CACNA2D3: variants seen among roughly 807,000 people sequenced by gnomAD.
CACNA2D3 encodes voltage-dependent calcium channel subunit alpha-2/delta-3.
A neutral mutation model predicts 160.6 loss-of-function variants in CACNA2D3; 60 were observed. The ratio of observed to expected loss-of-function variants is 0.37; its 90% CI spans 0.30 to 0.46. CACNA2D3 has a LOEUF of 0.46. CACNA2D3 is among the 20% of genes least tolerant of loss of function. The pLI, the probability that CACNA2D3 is intolerant of heterozygous loss-of-function variation, is 1.00. For missense variants in CACNA2D3, 1,205 were observed against 1,365.0 expected, an observed-to-expected ratio of 0.88 and a Z score of 1.85; for synonymous variants, 558 against 492.9, an observed-to-expected ratio of 1.13 and a Z score of -1.75.
At chr3:54,880,964 T>G in intron 21 of CACNA2D3, 101 bp downstream of exon 21, 1 of 944,458 alleles carries the variant, frequency 1.1e-6, no homozygotes, top group Non-Finnish European at 1.8e-6. Flanking sequence ...TCCGCACCTG[T>G]GACCAGTCCC....
intron 4 of CACNA2D3, among the ~76,000 whole-genome samples, chr3:54,434,477 T>C (rs1403899631): frequency 1.3e-5 from 2 of 152,208 alleles, no homozygotes; most frequent in Non-Finnish European, 2.9e-5. Context: ...CTGGCATCAG[T>C]GAGACTCATC....
intron 4 of CACNA2D3, among the ~76,000 whole-genome samples, chr3:54,461,604 T>A (rs1241564225): frequency 6.6e-6 from 1 of 151,902 alleles, no homozygotes; most frequent in Non-Finnish European, 1.5e-5. Flanking sequence ...TTTGTATTTC[T>A]GTGGAATCGG....
intron 17 of CACNA2D3, among the ~76,000 whole-genome samples, chr3:54,867,559 G>A (rs1268232419): frequency 6.7e-6 from 1 of 148,978 alleles, no homozygotes; most frequent in Non-Finnish European, 1.5e-5. Flanking sequence ...TAAAAGGGAA[G>A]GGGGATAATA....
At chr3:54,803,704 A>G (rs892618340) in intron 13 of CACNA2D3, among the ~76,000 whole-genome samples, 2 of 152,198 alleles carry the variant, frequency 1.3e-5, no homozygotes, top group Non-Finnish European at 2.9e-5. Context: ...AATACAGAGA[A>G]CGCCACAAAG....
chr3:54,421,005 A>G (rs1048706384), intron 4 of CACNA2D3, among the ~76,000 whole-genome samples: 3 of 152,108 alleles, frequency 2.0e-5, no homozygotes, highest in African/African-American at 7.2e-5. Context: ...TTCTTCCTCT[A>G]TTGGGTTACA....
intron 11 of CACNA2D3, among the ~76,000 whole-genome samples, chr3:54,723,006 C>T (rs186587504): frequency 1.9e-3 from 283 of 152,316 alleles, no homozygotes; most frequent in African/African-American, 5.8e-3. Context: ...CCGCCCCCTC[C>T]GCCAGGTACT....
chr3:54,200,859 T>C (rs1321193455), intron 2 of CACNA2D3, among the ~76,000 whole-genome samples: 1 of 152,228 alleles, frequency 6.6e-6, no homozygotes, highest in Non-Finnish European at 1.5e-5. Context: ...CTTTGGAAAA[T>C]AGGAACTTTT....
chr3:54,917,812 G>A (rs549124627), intron 27 of CACNA2D3, among the ~76,000 whole-genome samples: 1 of 152,174 alleles, frequency 6.6e-6, no homozygotes, highest in East Asian at 1.9e-4. Context: ...CCTATTATCC[G>A]GACATGGAAT....
chr3:54,799,047 T>C (rs1398513100), intron 13 of CACNA2D3, among the ~76,000 whole-genome samples: 1 of 152,216 alleles, frequency 6.6e-6, no homozygotes, highest in Non-Finnish European at 1.5e-5. Flanking sequence ...GTGGTGATTG[T>C]TTTTGTTTGG....
rs139462672 is a variant in CACNA2D3 at position 54,724,529 on chromosome 3, C to T, written c.1168-28070C>T. On this transcript the variant is annotated intron_variant, in intron 11 of 37. Coordinates refer to ENST00000474759, the MANE Select transcript of CACNA2D3 (RefSeq NM_018398.3). Reference sequence around the variant, plus strand: ...CCACATAATTGGAAGTAAAACACTCCTCAGAAAATGCAAAAGAATGGAAAT... The same window carrying T: ...CCACATAATTGGAAGTAAAACACTCTTCAGAAAATGCAAAAGAATGGAAAT... 4.2e-3 allele frequency among the ~76,000 whole-genome samples: 633 copies of T among 152,228 alleles called. 7 individuals are homozygous for T. Among genetic ancestry groups the T allele is most frequent in the African/African-American group, 0.015 (607 of 41,536 alleles).
chr3:54,732,318 G>T (rs1460828058), intron 11 of CACNA2D3, among the ~76,000 whole-genome samples: 1 of 152,202 alleles, frequency 6.6e-6, no homozygotes, highest in Non-Finnish European at 1.5e-5. Flanking sequence ...TTGAAAACAC[G>T]CACATACACT....
chr3:55,018,945 C>T (rs1430292925), intron 35 of CACNA2D3, among the ~76,000 whole-genome samples: 1 of 141,210 alleles, frequency 7.1e-6, no homozygotes, highest in African/African-American at 2.6e-5. Context: ...TTTACAGATG[C>T]CTTTTTTTTT....
intron 31 of CACNA2D3, 137 bp from the exon 32 acceptor site, chr3:55,004,626 A>G: frequency 1.7e-6 from 1 of 600,258 alleles, no homozygotes; most frequent in Non-Finnish European, 3.0e-6. Flanking sequence ...CTCCTTGTTC[A>G]TCATCCATGT....
At chr3:54,314,850 A>G (rs1703826612) in intron 2 of CACNA2D3, among the ~76,000 whole-genome samples, 1 of 152,182 alleles carries the variant, frequency 6.6e-6, no homozygotes, top group Non-Finnish European at 1.5e-5. Flanking sequence ...ACAGGATGCA[A>G]AGCCAGCCTG....
chr3:54,721,465 A>C (rs1262911602), intron 11 of CACNA2D3, among the ~76,000 whole-genome samples: 1 of 152,136 alleles, frequency 6.6e-6, no homozygotes, highest in Non-Finnish European at 1.5e-5. Flanking sequence ...AGTTCTTTAA[A>C]GATATGTTCT....
Position 54,748,142 on chromosome 3 carries a change from C to G in CACNA2D3, c.1168-4457C>G, listed in dbSNP as rs117872067. On this transcript the variant is annotated intron_variant, in intron 11 of 37. Coordinates refer to ENST00000474759, the MANE Select transcript of CACNA2D3 (RefSeq NM_018398.3). ...TTCTCTCAGAAACACAAGCTTTCTTCATTATTGAAGGGAGATGTGCAGGCA... is the reference window on the plus strand; with the variant it reads ...TTCTCTCAGAAACACAAGCTTTCTTGATTATTGAAGGGAGATGTGCAGGCA... 6.0e-4 allele frequency among the ~76,000 whole-genome samples: 92 copies of G among 152,270 alleles called. 1 individual carries two copies. In the East Asian group the frequency reaches 0.017, roughly 28 times the overall value.
intron 11 of CACNA2D3, among the ~76,000 whole-genome samples, chr3:54,701,504 A>T (rs940642703): frequency 2.7e-4 from 41 of 152,216 alleles, no homozygotes; most frequent in African/African-American, 9.4e-4. Context: ...AAGGTCATTT[A>T]AAAGTTTTAG....
chr3:54,610,084 C>T (rs1698718393), intron 9 of CACNA2D3, among the ~76,000 whole-genome samples: 1 of 152,128 alleles, frequency 6.6e-6, no homozygotes, highest in Non-Finnish European at 1.5e-5. Context: ...TCTCTGCCTC[C>T]ATCTTCATAT....
At chr3:55,043,134 G>T (rs1202786056) in intron 35 of CACNA2D3, among the ~76,000 whole-genome samples, 8 of 152,274 alleles carry the variant, frequency 5.3e-5, no homozygotes, top group African/African-American at 1.4e-4. Flanking sequence ...GAGTGGGGTT[G>T]CTGGATTGTG....
Sources: gnomAD v4.1 joint callset for allele counts (sites outside exome capture counted in the v4.1 genomes callset) on GRCh38, gnomAD v4.1.1 for gene constraint, MANE v1.5 for transcripts, NCBI Gene and HGNC (gene_info 2026-07-23, HGNC 2026-07-21) for gene names.